Variants in PRXL2A observed in about 807,000 individuals in gnomAD.
The protein encoded by PRXL2A is peroxiredoxin-like 2A.
Under a neutral mutation model 25.6 loss-of-function variants are expected in PRXL2A, and 26 were observed. The ratio of observed to expected loss-of-function variants is 1.02; its 90% confidence interval spans 0.74 to 1.41. The LOEUF is 1.41. Ranked by LOEUF, PRXL2A falls within the 40% of genes most tolerant of loss-of-function variation. The pLI, the probability that PRXL2A is intolerant of heterozygous loss-of-function variation, is 0.00. For missense variants in PRXL2A, 246 were observed against 273.9 expected (o/e 0.90, Z 0.72); for synonymous variants, 98 against 102.9 (o/e 0.95, Z 0.29).
chr10:80,419,135 G>A (rs898335686), intron 1 of PRXL2A, among the ~76,000 whole-genome samples: 14 of 150,368 alleles, frequency 9.3e-5, no homozygotes, highest in South Asian at 2.1e-4. Flanking sequence ...ATAGGCATGC[G>A]CCACCATGCC....
At chr10:80,414,942 G>T (rs758280777) in intron 1 of PRXL2A, among the ~76,000 whole-genome samples, 3 of 152,142 alleles carry the variant, frequency 2.0e-5, no homozygotes, top group Non-Finnish European at 4.4e-5. Flanking sequence ...TTTTTTGTGT[G>T]TAGGAAAAAT....
intron 1 of PRXL2A, chr10:80,419,886 G>T (rs910760067): frequency 1.1e-5 from 8 of 716,482 alleles, no homozygotes; most frequent in Non-Finnish European, 1.2e-5. Flanking sequence ...ATGAGGCCCT[G>T]CTGGGCACTG....
intron 5 of PRXL2A, among the ~76,000 whole-genome samples, chr10:80,430,536 C>T (rs1423118341): frequency 2.0e-5 from 3 of 152,164 alleles, no homozygotes; most frequent in African/African-American, 7.2e-5. Flanking sequence ...GTCCTGGCTA[C>T]TTGGGAGGCT....
At chr10:80,409,655 T>C (rs1844413745) in intron 1 of PRXL2A, among the ~76,000 whole-genome samples, 1 of 152,206 alleles carries the variant, frequency 6.6e-6, no homozygotes, top group Admixed American at 6.5e-5. Context: ...GGATTGGGAT[T>C]TCCACTGCAG....
At position 80,436,088 on chromosome 10, in the gene PRXL2A, A is replaced by G. The variant is rs957479184; in HGVS notation, c.*3989A>G. ...GGTGCAGTGTAAAAATTATTAAATC[A>G]GAATCTCTGGGGTAGGCCCCAAGCA... is the stretch of plus-strand genomic sequence containing the variant. On this transcript the variant is annotated 3_prime_UTR_variant, in exon 6 of 6. Transcript: ENST00000606162. 1.1e-4 allele frequency: 17 copies of G among 149,690 alleles called. No homozygotes were observed. Among genetic ancestry groups the G allele is most frequent in the African/African-American group, 4.2e-4 (17 of 40,904 alleles). The allele number at this position is 149,690 out of a possible 1,614,324, so 9.3% of individuals were successfully genotyped here. A position where few individuals can be genotyped will look rare whatever the true frequency, so the allele number is the denominator to read the frequency against.
rs1343070586 is a variant in PRXL2A, at chr10:80,435,404, ATTGT to A, written c.*3310_*3313del. On this transcript the variant is annotated 3_prime_UTR_variant, in exon 6 of 6. Coordinates refer to ENST00000606162, the MANE Select transcript of PRXL2A (RefSeq NM_032333.5). ...TCTCTCCGTGTCCGGGGTGAGCAAAATTGTTTGTGCTGAAAATCAATGATTTGCA... is the reference window on the plus strand; with the variant it reads ...TCTCTCCGTGTCCGGGGTGAGCAAAATTGTGCTGAAAATCAATGATTTGCA... The A allele has an allele frequency of 6.6e-6, 1 of 151,526 alleles. No individual in the cohort carries two copies. The highest frequency in any genetic ancestry group is 2.4e-5 in the African/African-American group (1 of 41,176). The allele number at this position is 151,526 out of a possible 1,614,324, so 9.4% of individuals were successfully genotyped here.
chr10:80,413,073 T>G (rs1211301427), intron 1 of PRXL2A, among the ~76,000 whole-genome samples: 1 of 152,176 alleles, frequency 6.6e-6, no homozygotes, highest in Non-Finnish European at 1.5e-5. Flanking sequence ...CAGAACTTCC[T>G]GAGTCGATGT....
chr10:80,419,956 G>C, intron 1 of PRXL2A: 1 of 985,312 alleles, frequency 1.0e-6, no homozygotes, highest in Non-Finnish European at 1.2e-6. Context: ...AAACTAAAGA[G>C]GAAAGAAGAT....
rs1042737124 is a variant in PRXL2A, at chr10:80,413,914, TG to T, written c.-3+5276del. On this transcript the variant is annotated intron_variant, in intron 1 of 5. Coordinates refer to ENST00000606162, the MANE Select transcript of PRXL2A (RefSeq NM_032333.5). ...TTCCCAAGTTTGAAGCGTCTGAGGT[TG>T]GGGGTAAGAGACCGTTTGAGGAAGG... is the stretch of plus-strand genomic sequence containing the variant. The T allele has an allele frequency of 8.3e-6, 10 of 1,202,800 alleles. No individual in the cohort carries two copies. In the African/African-American group the frequency reaches 1.1e-4, roughly 13 times the overall value. The allele number at this position is 1,202,800 out of a possible 1,614,324, so 74.5% of individuals were successfully genotyped here. A position where few individuals can be genotyped will look rare whatever the true frequency, so the allele number is the denominator to read the frequency against.
At chr10:80,420,240 C>T in intron 1 of PRXL2A, 4 of 1,225,108 alleles carry the variant, frequency 3.3e-6, no homozygotes, top group Non-Finnish European at 4.1e-6. Context: ...TCCTGATGCC[C>T]TGGTGAGCTC....
chr10:80,413,832 T>G, intron 1 of PRXL2A: 1 of 1,191,034 alleles, frequency 8.4e-7, no homozygotes, highest in Non-Finnish European at 1.1e-6. Context: ...CACCCCTGGA[T>G]ATACTTCTTT....
chr10:80,409,992 A>G (rs1844422971), intron 1 of PRXL2A, among the ~76,000 whole-genome samples: 1 of 152,234 alleles, frequency 6.6e-6, no homozygotes, highest in South Asian at 2.1e-4. Context: ...CATGTCATTT[A>G]GTTGAGACCT....
At position 80,433,883 on chromosome 10, in the gene PRXL2A, GC is replaced by G. The variant is rs1300770748; in HGVS notation, c.*1785del. ...GTGGTGGCTCACGCCTGTAATCCTA[GC>G]ACTTTGGGAAGTCGAGGTAGAAGGA... On this transcript the variant is annotated 3_prime_UTR_variant, in exon 6 of 6. Coordinates refer to ENST00000606162, the MANE Select transcript of PRXL2A (RefSeq NM_032333.5). 6.6e-6 allele frequency: 1 copy of G among 152,244 alleles called. No homozygotes were observed. The highest frequency in any genetic ancestry group is 1.5e-5 in the Non-Finnish European group (1 of 68,064). The allele number at this position is 152,244 out of a possible 1,614,324, so 9.4% of individuals were successfully genotyped here.
At chr10:80,412,308 G>T (rs1389853960) in intron 1 of PRXL2A, among the ~76,000 whole-genome samples, 1 of 152,164 alleles carries the variant, frequency 6.6e-6, no homozygotes, top group East Asian at 1.9e-4. Context: ...TCCCAAGCTA[G>T]AGTGTTTTCT....
At chr10:80,419,559 C>T (rs527548436) in intron 1 of PRXL2A, among the ~76,000 whole-genome samples, 12 of 151,876 alleles carry the variant, frequency 7.9e-5, no homozygotes, top group Admixed American at 3.3e-4. Context: ...CCGCCCACCT[C>T]GGCCTCCCAA....
chr10:80,420,659 C>T lies in PRXL2A; in HGVS notation c.178+14C>T. On this transcript the variant is annotated intron_variant, in intron 2 of 5. Transcript: ENST00000606162. ...CACTGGAGAAGGGTAAGTGGTGACC[C>T]TTCAGGTCTCAGTACTTTTCCAAGG... 3 of 1,562,796 alleles carry T rather than the reference C, an allele frequency of 1.9e-6. No individual in the cohort carries two copies. The highest frequency in any genetic ancestry group is 2.6e-6 in the Non-Finnish European group (3 of 1,148,430).
At chr10:80,410,893 G>A (rs1844459451) in intron 1 of PRXL2A, among the ~76,000 whole-genome samples, 1 of 152,186 alleles carries the variant, frequency 6.6e-6, no homozygotes, top group Non-Finnish European at 1.5e-5. Flanking sequence ...GAAACAAGAG[G>A]ACATAATCAG....
rs777012343 is a variant in PRXL2A, at chr10:80,420,501, ATGGGGATG to A, written c.38_45del (p.Gly13ValfsTer105). 12 of 1,605,436 alleles carry A rather than the reference ATGGGGATG, an allele frequency of 7.5e-6. No homozygotes were observed. The highest frequency in any genetic ancestry group is 1.0e-5 in the Non-Finnish European group (12 of 1,175,238). On this transcript the variant is annotated frameshift_variant, in exon 2 of 6. Transcript: ENST00000606162. LOFTEE classifies it high-confidence loss of function. The stretch of plus-strand genomic sequence containing the variant: ...CCTCCAGGACCCAAGTTTCTTCACC[ATGGGGATG>A]TGGTCCATTGGTGCAGGAGCCCTGG...
chr10:80,425,721 G>T, intron 3 of PRXL2A, 145 bp from the exon 4 acceptor site: 1 of 938,386 alleles, frequency 1.1e-6, no homozygotes, highest in South Asian at 1.6e-5. Flanking sequence ...CCCAAGCTGT[G>T]GTTAGGACAG....
Sources: gnomAD v4.1 joint callset for allele counts (sites outside exome capture counted in the v4.1 genomes callset) on GRCh38, gnomAD v4.1.1 for gene constraint, MANE v1.5 for transcripts, NCBI Gene and HGNC (gene_info 2026-07-23, HGNC 2026-07-21) for gene names.